The following ZHX1 variants were observed in gnomAD, a reference collection of about 807,000 sequenced individuals.
The protein encoded by ZHX1 is zinc fingers and homeoboxes protein 1.
A neutral mutation model predicts 61.8 loss-of-function variants in ZHX1; 20 were observed. The ratio of observed to expected loss-of-function variants is 0.32; its 90% confidence interval spans 0.23 to 0.47. The LOEUF (loss-of-function observed/expected upper bound fraction) is 0.47. Among genes scored for constraint, ZHX1 ranks in the 20% least tolerant of loss-of-function variants. The probability of loss-of-function intolerance (pLI) is 1.00; values close to 1 mark genes in which losing one functional copy is unlikely to be tolerated. For missense variants in ZHX1, 800 were observed against 1,034.8 expected (o/e 0.77, Z 3.11); for synonymous variants, 318 against 352.6 (o/e 0.90, Z 1.10).
chr8:123,260,083 G>A (rs550266285), intron 2 of ZHX1, among the ~76,000 whole-genome samples: 2 of 152,182 alleles, frequency 1.3e-5, no homozygotes, highest in South Asian at 2.1e-4. Context: ...ACTTGAACTC[G>A]GGAGGTGGAG....
chr8:123,262,399 G>A (rs191283941), intron 2 of ZHX1, among the ~76,000 whole-genome samples: 83 of 152,264 alleles, frequency 5.5e-4, no homozygotes, highest in African/African-American at 2.0e-3. Context: ...GAGGAAATAT[G>A]TATGCATGTG....
chr8:123,261,503 G>T (rs1168325659), intron 2 of ZHX1, among the ~76,000 whole-genome samples: 1 of 152,182 alleles, frequency 6.6e-6, no homozygotes, highest in African/African-American at 2.4e-5. Context: ...ATGCAATGGT[G>T]ACCAAGACAG....
At chr8:123,251,672 C>T (rs776822755) in intron 3 of ZHX1, among the ~76,000 whole-genome samples, 4 of 152,106 alleles carry the variant, frequency 2.6e-5, no homozygotes, top group Non-Finnish European at 5.9e-5. Context: ...AAAAAAATGC[C>T]TGTTAAAAAT....
chr8:123,273,317 T>C (rs1826720881), intron 1 of ZHX1, among the ~76,000 whole-genome samples: 1 of 152,196 alleles, frequency 6.6e-6, no homozygotes, highest in Non-Finnish European at 1.5e-5. Context: ...CCAGGGCTCT[T>C]CTTTCCTGCC....
chr8:123,257,456 A>G (rs1826106580), intron 2 of ZHX1, among the ~76,000 whole-genome samples: 1 of 152,194 alleles, frequency 6.6e-6, no homozygotes, highest in Non-Finnish European at 1.5e-5. Flanking sequence ...ATGCACTTTC[A>G]GACCCTTACT....
Position 123,272,525 on chromosome 8 carries a change from A to C in ZHX1, c.-340+1692T>G, listed in dbSNP as rs572387077. Reference sequence around the variant, plus strand: ...AGTCAGAATTGCTACTTTAGAAATTAAAATAATCGATGGGTATACTAGGGC... The same window carrying C: ...AGTCAGAATTGCTACTTTAGAAATTCAAATAATCGATGGGTATACTAGGGC... On this transcript the variant is annotated intron_variant, in intron 1 of 3. Transcript: ENST00000395571. 2.0e-5 allele frequency among the ~76,000 whole-genome samples: 3 copies of C among 152,352 alleles called. No homozygotes were observed. In the East Asian group the frequency reaches 5.8e-4, roughly 29 times the overall value.
chr8:123,263,791 G>A (rs1463938328), intron 2 of ZHX1, among the ~76,000 whole-genome samples: 2 of 151,506 alleles, frequency 1.3e-5, no homozygotes, highest in Non-Finnish European at 2.9e-5. Context: ...CCGAGATCGC[G>A]CCACTGCACT....
rs986550951 is a variant in ZHX1, at chr8:123,252,630, A to G, written c.*3+692T>C. 9.9e-5 allele frequency: 15 copies of G among 152,212 alleles called. No individual in the cohort carries two copies. In the South Asian group the frequency reaches 3.1e-3, roughly 31 times the overall value. 9.4% of individuals were successfully genotyped at this position (152,212 alleles called of 1,614,324 possible). On this transcript the variant is annotated intron_variant, in intron 3 of 3. Coordinates refer to ENST00000395571, the MANE Select transcript of ZHX1 (RefSeq NM_007222.5). Reference sequence around the variant, plus strand: ...AATTTATATCACAGTTTTCAAAGACAGATGCCGCCTAAGCAAACATGAATT... The same window carrying G: ...AATTTATATCACAGTTTTCAAAGACGGATGCCGCCTAAGCAAACATGAATT...
upstream of ZHX1, among the ~76,000 whole-genome samples, chr8:123,274,951 G>A (rs1826799290): frequency 6.6e-6 from 1 of 152,168 alleles, no homozygotes; most frequent in Non-Finnish European, 1.5e-5. Flanking sequence ...CCAGCGCCCT[G>A]ACAGAAGTCG....
At chr8:123,266,296 T>C (rs1277526566) in intron 2 of ZHX1, among the ~76,000 whole-genome samples, 6 of 152,174 alleles carry the variant, frequency 3.9e-5, no homozygotes, top group Non-Finnish European at 5.9e-5. Flanking sequence ...CCAAGTGAGA[T>C]TACCTTTGAA....
chr8:123,265,251 G>A (rs1826419726), intron 2 of ZHX1, among the ~76,000 whole-genome samples: 1 of 149,748 alleles, frequency 6.7e-6, no homozygotes, highest in Admixed American at 6.6e-5. Context: ...TGTTAATTTT[G>A]ATGTAGCATC....
intron 2 of ZHX1, chr8:123,262,721 T>TA (rs1826313534): frequency 6.6e-6 from 1 of 152,098 alleles, no homozygotes; most frequent in Non-Finnish European, 1.5e-5. Context: ...GACCCTAAAA[T>TA]TGCAAATAGA....
At chr8:123,260,220 C>T (rs77743252) in intron 2 of ZHX1, among the ~76,000 whole-genome samples, 3,854 of 152,064 alleles carry the variant, frequency 0.025, 156 homozygotes, top group African/African-American at 0.088. Context: ...GAGGCAGAGG[C>T]TAAACTACTC....
At chr8:123,267,988 C>A (rs368877718) in intron 1 of ZHX1, among the ~76,000 whole-genome samples, 1 of 150,670 alleles carries the variant, frequency 6.6e-6, no homozygotes, top group African/African-American at 2.5e-5. Context: ...GCAACAAGAG[C>A]GAAACTCTGA....
At chr8:123,265,327 T>C (rs369635932) in intron 2 of ZHX1, among the ~76,000 whole-genome samples, 8 of 152,272 alleles carry the variant, frequency 5.3e-5, no homozygotes, top group African/African-American at 1.9e-4. Context: ...TCTGCATTTG[T>C]ATATATACCG....
At position 123,253,784 on chromosome 8, in the gene ZHX1, T is replaced by C. The variant is rs758673392; in HGVS notation, c.2163A>G (p.Lys721=). 9.3e-6 allele frequency: 15 copies of C among 1,614,238 alleles called. No individual in the cohort carries two copies. Among genetic ancestry groups the C allele is most frequent in the Middle Eastern group, 1.6e-4 (1 of 6,062 alleles). The change falls in exon 3 of 4, where the codon AAA becomes AAG. Residue 721 remains lysine, a synonymous_variant. Coordinates refer to ENST00000395571, the MANE Select transcript of ZHX1 (RefSeq NM_007222.5). ...TRYAWKNGNL[K]WYYYYQSANS... ...TGGCGCTCTGATAGTAGTAGTACCA[T>C]TTCAAGTTTCCATTCTTCCAAGCAT... is the stretch of plus-strand genomic sequence containing the variant.
At chr8:123,266,266 C>T (rs1826452968) in intron 2 of ZHX1, among the ~76,000 whole-genome samples, 1 of 152,150 alleles carries the variant, frequency 6.6e-6, no homozygotes, top group Non-Finnish European at 1.5e-5. Context: ...CAGTCTAACA[C>T]AAGAATGCTA....
rs768567815 is a variant in ZHX1, at chr8:123,255,683, A to G, written c.264T>C (p.His88=). 3 of 1,613,948 alleles carry G rather than the reference A, an allele frequency of 1.9e-6. No homozygotes were observed. The highest frequency in any genetic ancestry group is 2.2e-5 in the East Asian group (1 of 44,880). ...QTPDLNMFTF[H]VDSEHPNVVL... ...CTACATTGGGATGTTCCGAATCCACATGAAAAGTAAACATATTTAGATCTG... is the reference window on the plus strand; with the variant it reads ...CTACATTGGGATGTTCCGAATCCACGTGAAAAGTAAACATATTTAGATCTG... Residue 88 remains histidine, a synonymous_variant, in exon 3 of 4, where the codon CAT becomes CAC. Transcript: ENST00000395571.
chr8:123,268,687 T>C (rs1215074500), intron 1 of ZHX1, among the ~76,000 whole-genome samples: 1 of 152,170 alleles, frequency 6.6e-6, no homozygotes, highest in Non-Finnish European at 1.5e-5. Context: ...AGACAGGGTT[T>C]CACCATGTTG....
Sources: allele counts gnomAD v4.1 joint callset (sites outside exome capture counted in the v4.1 genomes callset), GRCh38; gene constraint gnomAD v4.1.1; transcripts MANE v1.5; gene names NCBI Gene and HGNC (gene_info 2026-07-23, HGNC 2026-07-21).